The following CSF1R variants were observed in gnomAD, a reference collection of about 807,000 sequenced individuals.
The protein encoded by CSF1R is colony stimulating factor 1 receptor.
A neutral mutation model predicts 110.0 loss-of-function variants in CSF1R; 40 were observed. That is an observed-to-expected ratio of 0.36 (90% CI 0.28 to 0.47). The LOEUF is 0.47. CSF1R is among the 20% of genes least tolerant of loss of function. The pLI is 0.99. For missense variants in CSF1R, 1,052 were observed against 1,253.0 expected (o/e 0.84, Z 2.42); for synonymous variants, 523 against 503.4 (o/e 1.04, Z -0.52).
chr5:150,094,349 A>G lies in CSF1R; in HGVS notation c.-180-7742T>C, dbSNP rs1272342242. The G allele has an allele frequency of 2.5e-6, 4 of 1,599,912 alleles. No homozygotes were observed. The African/African-American group carries it at 5.3e-5, about 21-fold the overall frequency. On this transcript the variant is annotated intron_variant, in intron 1 of 21. Coordinates refer to the CSF1R transcript ENST00000286301. Reference sequence around the variant, plus strand: ...AGAAGGAGGTTCCTGCTGTGCCAGAAACCCTTAAGAAAAAGCGAAGGAATT... The same window carrying G: ...AGAAGGAGGTTCCTGCTGTGCCAGAGACCCTTAAGAAAAAGCGAAGGAATT...
chr5:150,055,617 A>C (rs545236271), intron 18 of CSF1R, among the ~76,000 whole-genome samples: 4 of 152,332 alleles, frequency 2.6e-5, no homozygotes, highest in Admixed American at 2.6e-4. Context: ...GTGGACAGTC[A>C]GGTGGTTATG....
At chr5:150,097,310 A>G (rs9686680) in intron 1 of CSF1R, among the ~76,000 whole-genome samples, 15 of 143,856 alleles carry the variant, frequency 1.0e-4, no homozygotes, top group East Asian at 2.1e-4. Flanking sequence ...AGGGAAAGGG[A>G]AAGGGGAAGG....
rs747418435 is a variant in CSF1R at position 150,080,936 on chromosome 5, G to C, written c.138C>G (p.Gly46=). ...ATGGGGGGCCATCCCATTCCACGCT[G>C]CCATTGCCCACACATCGCAAGGTCA... ...ATVTLRCVGN[G]SVEWDGPPSP... is the part of the protein sequence containing the mutation. The change falls in exon 2 of 21, where the codon GGC becomes GGG. Residue 46 remains glycine, a synonymous_variant. Coordinates refer to ENST00000675795, the MANE Select transcript of CSF1R (RefSeq NM_001288705.3). 1.2e-6 allele frequency: 2 copies of C among 1,614,082 alleles called. No homozygotes were observed. The highest frequency in any genetic ancestry group is 2.7e-5 in the African/African-American group (2 of 74,932).
At chr5:150,055,895 G>C (rs1029428997) in intron 18 of CSF1R, 131 bp downstream of exon 18, 5 of 768,382 alleles carry the variant, frequency 6.5e-6, no homozygotes, top group African/African-American at 1.8e-5. Flanking sequence ...GCTGGGTTTC[G>C]AGAGCCCTTG....
intron 1 of CSF1R, among the ~76,000 whole-genome samples, chr5:150,108,954 G>C (rs760496076): frequency 2.6e-5 from 4 of 152,056 alleles, no homozygotes; most frequent in Admixed American, 1.3e-4. Context: ...CAGGCCAATG[G>C]TCCCTCGCCA....
At chr5:150,059,190 A>G (rs1757384239) in intron 14 of CSF1R, among the ~76,000 whole-genome samples, 2 of 152,188 alleles carry the variant, frequency 1.3e-5, no homozygotes, top group Non-Finnish European at 2.9e-5. Context: ...GATTATAGGC[A>G]TGCGCCACCA....
At chr5:150,083,212 C>A (rs1228590843) in intron 1 of CSF1R, among the ~76,000 whole-genome samples, 2 of 151,984 alleles carry the variant, frequency 1.3e-5, no homozygotes, top group Middle Eastern at 3.4e-3. Flanking sequence ...CCCTTCTGTG[C>A]CTGTCCATTC....
intron 14 of CSF1R, 31 bp from the exon 15 acceptor site, chr5:150,057,623 G>A: frequency 6.5e-7 from 1 of 1,532,644 alleles, no homozygotes; most frequent in Non-Finnish European, 9.0e-7. Context: ...GGGGGCAGAG[G>A]TCACTCATCA....
chr5:150,085,091 C>T (rs1233460363), intron 1 of CSF1R, among the ~76,000 whole-genome samples: 2 of 151,904 alleles, frequency 1.3e-5, no homozygotes, highest in Non-Finnish European at 2.9e-5. Context: ...CCAGCTTGGC[C>T]AACATGGTGA....
intron 6 of CSF1R, 57 bp from the exon 7 acceptor site, chr5:150,070,628 G>C: frequency 8.0e-7 from 1 of 1,253,006 alleles, no homozygotes. Context: ...GCCCCTGCCA[G>C]GATTGCAGTC....
intron 1 of CSF1R, among the ~76,000 whole-genome samples, chr5:150,098,913 G>A (rs1281540924): frequency 8.0e-6 from 1 of 124,428 alleles, no homozygotes; most frequent in Non-Finnish European, 1.7e-5. Flanking sequence ...TTTTTTTTGA[G>A]ATAGAGTCTT....
intron 19 of CSF1R, 170 bp from the exon 20 acceptor site, chr5:150,054,600 G>T: frequency 3.4e-6 from 2 of 587,998 alleles, no homozygotes; most frequent in Non-Finnish European, 3.0e-6. Flanking sequence ...AATCCTCACA[G>T]TAACCCTTGC....
At chr5:150,055,432 A>G in intron 18 of CSF1R, 96 bp from the exon 19 acceptor site, 2 of 959,724 alleles carry the variant, frequency 2.1e-6, no homozygotes, top group Admixed American at 2.0e-5. Context: ...AAAGGGTCCC[A>G]CTTGACAACA....
At chr5:150,054,630 C>T in intron 19 of CSF1R, 200 bp from the exon 20 acceptor site, 2 of 535,382 alleles carry the variant, frequency 3.7e-6, no homozygotes, top group Non-Finnish European at 6.5e-6. Flanking sequence ...CTCTCATCAC[C>T]CTCATTCTGA....
intron 13 of CSF1R, among the ~76,000 whole-genome samples, chr5:150,060,412 G>A (rs1303194002): frequency 3.3e-5 from 5 of 152,058 alleles, no homozygotes; most frequent in African/African-American, 9.7e-5. Flanking sequence ...GGAAAGCTAT[G>A]GCGGCTCACT....
intron 1 of CSF1R, among the ~76,000 whole-genome samples, chr5:150,105,024 AC>A (rs1759504767): frequency 6.6e-6 from 1 of 150,734 alleles, no homozygotes; most frequent in Non-Finnish European, 1.5e-5. Context: ...GACTATAGGC[AC>A]CCACCACCAC....
rs1433299442 is a variant in CSF1R at position 150,080,917 on chromosome 5, G to A, written c.157C>T (p.Pro53Ser). 5.6e-6 allele frequency: 9 copies of A among 1,614,022 alleles called. No homozygotes were observed. The highest frequency in any genetic ancestry group is 2.2e-5 in the East Asian group (1 of 44,890). The change falls in exon 2 of 21, where the codon CCC becomes TCC. Residue 53 changes from proline (P) to serine (S), a missense_variant. Pro to Ser is a moderately conservative substitution (Grantham distance 74). Transcript: ENST00000675795. ...TACAGGGTCCAGTGAGGTGATGGGG[G>A]GCCATCCCATTCCACGCTGCCATTG... ...VGNGSVEWDG[P>S]PSPHWTLYSD...
chr5:150,063,224 C>T (rs1187386293), intron 10 of CSF1R, among the ~76,000 whole-genome samples: 1 of 152,142 alleles, frequency 6.6e-6, no homozygotes, highest in Non-Finnish European at 1.5e-5. Flanking sequence ...CTAGGCTGGT[C>T]TTGAACTCGT....
intron 16 of CSF1R, among the ~76,000 whole-genome samples, chr5:150,057,019 A>G (rs1009971191): frequency 2.0e-5 from 3 of 152,140 alleles, no homozygotes; most frequent in African/African-American, 7.2e-5. Flanking sequence ...TGTCTCTCAT[A>G]CACTATTTAG....
Sources: gnomAD v4.1 joint callset for allele counts (sites outside exome capture counted in the v4.1 genomes callset) on GRCh38, gnomAD v4.1.1 for gene constraint, MANE v1.5 for transcripts, NCBI Gene and HGNC (gene_info 2026-07-23, HGNC 2026-07-21) for gene names.